Variants in LNX2 observed in about 807,000 individuals in gnomAD.
LNX2 encodes ligand of numb-protein X 2.
In LNX2, 35 loss-of-function variants were observed where a neutral mutation model predicts 66.2. That is an observed-to-expected ratio of 0.53 (90% CI 0.40 to 0.70). The LOEUF (loss-of-function observed/expected upper bound fraction) is 0.70. LNX2 is among the 30% of genes least tolerant of loss of function. The pLI is 0.00. For missense variants in LNX2, 791 were observed against 850.8 expected, an observed-to-expected ratio of 0.93 and a Z score of 0.87; for synonymous variants, 337 against 315.6, an observed-to-expected ratio of 1.07 and a Z score of -0.72.
intron 1 of LNX2, among the ~76,000 whole-genome samples, chr13:27,588,484 T>C (rs1955516342): frequency 6.6e-6 from 1 of 152,102 alleles, no homozygotes; most frequent in Admixed American, 6.5e-5. Context: ...ATTATAGAAA[T>C]GGATTAGAGG....
At chr13:27,610,290 G>C (rs1166186766) in intron 1 of LNX2, among the ~76,000 whole-genome samples, 4 of 152,144 alleles carry the variant, frequency 2.6e-5, no homozygotes, top group Non-Finnish European at 4.4e-5. Flanking sequence ...GCAACTATAA[G>C]AAATAAAAAC....
intron 2 of LNX2, among the ~76,000 whole-genome samples, chr13:27,578,083 A>G (rs926765346): frequency 2.0e-5 from 3 of 152,244 alleles, no homozygotes; most frequent in African/African-American, 7.2e-5. Context: ...TCTTTCATAA[A>G]TATTTTATCT....
chr13:27,549,008 T>C (rs1954975350), intron 9 of LNX2, among the ~76,000 whole-genome samples: 1 of 152,216 alleles, frequency 6.6e-6, no homozygotes, highest in Admixed American at 6.5e-5. Context: ...GTCTTCTATT[T>C]ATACCATAAA....
chr13:27,592,986 G>A (rs1465639139), intron 1 of LNX2, among the ~76,000 whole-genome samples: 2 of 152,170 alleles, frequency 1.3e-5, no homozygotes, highest in African/African-American at 4.8e-5. Flanking sequence ...GGAGTTAAGA[G>A]CATAGACAAT....
At chr13:27,569,324 A>G (rs1955248604) in intron 2 of LNX2, 48 bp from the exon 3 acceptor site, 5 of 1,578,770 alleles carry the variant, frequency 3.2e-6, no homozygotes, top group South Asian at 1.2e-5. Context: ...GAAAACAAAC[A>G]AACAAATAAA....
intron 5 of LNX2, 139 bp downstream of exon 5, chr13:27,562,274 A>G (rs929732261): frequency 1.9e-6 from 2 of 1,037,178 alleles, no homozygotes; most frequent in East Asian, 2.4e-5. Context: ...TGGATTTTAA[A>G]GAATTCAGGT....
At chr13:27,587,829 G>A (rs1464036200) in intron 1 of LNX2, among the ~76,000 whole-genome samples, 1 of 152,044 alleles carries the variant, frequency 6.6e-6, no homozygotes, top group Non-Finnish European at 1.5e-5. Flanking sequence ...AGACCATCCT[G>A]GCTAACACAG....
At chr13:27,549,551 C>T (rs936917788) in intron 9 of LNX2, among the ~76,000 whole-genome samples, 2 of 152,180 alleles carry the variant, frequency 1.3e-5, no homozygotes, top group Non-Finnish European at 2.9e-5. Context: ...CAGCCAACCA[C>T]TTTCAGCTAT....
chr13:27,550,269 C>T, intron 9 of LNX2, 64 bp downstream of exon 9: 2 of 1,454,536 alleles, frequency 1.4e-6, no homozygotes, highest in Non-Finnish European at 1.9e-6. Context: ...ACCCCTGACC[C>T]CTGGTCTAGA....
At chr13:27,615,203 C>T (rs1955813659) in intron 1 of LNX2, among the ~76,000 whole-genome samples, 1 of 152,240 alleles carries the variant, frequency 6.6e-6, no homozygotes, top group African/African-American at 2.4e-5. Context: ...TTGGGGTTCC[C>T]ATAACCCCTC....
At chr13:27,614,922 A>C (rs972892571) in intron 1 of LNX2, among the ~76,000 whole-genome samples, 7 of 152,190 alleles carry the variant, frequency 4.6e-5, no homozygotes, top group Admixed American at 2.6e-4. Context: ...AGGAAATAAA[A>C]ACACACTCAG....
chr13:27,565,204 G>A (rs1955189762), intron 4 of LNX2, among the ~76,000 whole-genome samples: 1 of 152,140 alleles, frequency 6.6e-6, no homozygotes, highest in Admixed American at 6.5e-5. Context: ...AGATTCAGTA[G>A]TGTTAATGAA....
chr13:27,608,867 C>A (rs833093), intron 1 of LNX2, among the ~76,000 whole-genome samples: 2 of 148,618 alleles, frequency 1.3e-5, no homozygotes, highest in Admixed American at 6.7e-5. Context: ...TGCAGTGGTA[C>A]GATCTTGGCT....
At chr13:27,573,635 C>T (rs1955309513) in intron 2 of LNX2, among the ~76,000 whole-genome samples, 1 of 151,866 alleles carries the variant, frequency 6.6e-6, no homozygotes, top group Non-Finnish European at 1.5e-5. Context: ...TGTGGCATGC[C>T]CCACCATGCA....
chr13:27,553,569 G>GGCATTTAT, intron 7 of LNX2, 130 bp from the exon 8 acceptor site: 1 of 607,294 alleles, frequency 1.6e-6, no homozygotes, highest in Non-Finnish European at 2.9e-6. Context: ...AATAATAAAT[G>GGCATTTAT]GCATTTATTA....
chr13:27,550,570 C>G, intron 8 of LNX2, 79 bp from the exon 9 acceptor site: 1 of 1,027,902 alleles, frequency 9.7e-7, no homozygotes, highest in Non-Finnish European at 1.4e-6. Context: ...AACCCCATAC[C>G]ATGTTATATT....
At chr13:27,548,555 T>C (rs1230637519) in intron 9 of LNX2, 85 bp from the exon 10 acceptor site, 8 of 1,445,978 alleles carry the variant, frequency 5.5e-6, no homozygotes, top group Non-Finnish European at 6.6e-6. Context: ...GCATGAAAAA[T>C]GCGGTTTCAC....
intron 1 of LNX2, among the ~76,000 whole-genome samples, chr13:27,585,035 T>G (rs2038722): frequency 0.099 from 15,024 of 151,244 alleles, 1,025 homozygotes; most frequent in Non-Finnish European, 0.14. Flanking sequence ...GGAGAATCAC[T>G]TGAGCCTAGG....
In LNX2 at chr13:27,551,713, T is replaced by G. The variant is rs981289053; in HGVS notation, c.1779-1222A>C. On this transcript the variant is annotated intron_variant, in intron 8 of 9. Coordinates refer to ENST00000316334, the MANE Select transcript of LNX2 (RefSeq NM_153371.4). ...ATGTTTACCATGCCAGAACTTCTCATCTTATCTAGTTTCCTAGCTCACTGA... is the reference window on the plus strand; with the variant it reads ...ATGTTTACCATGCCAGAACTTCTCAGCTTATCTAGTTTCCTAGCTCACTGA... Among the ~76,000 whole-genome samples the G allele has an allele frequency of 2.6e-5, 4 of 152,318 alleles. 1 individual carries two copies. The highest frequency in any genetic ancestry group is 2.0e-4 in the Admixed American group (3 of 15,298).
Sources: gnomAD v4.1 joint callset for allele counts (sites outside exome capture counted in the v4.1 genomes callset) on GRCh38, gnomAD v4.1.1 for gene constraint, MANE v1.5 for transcripts, NCBI Gene and HGNC (gene_info 2026-07-23, HGNC 2026-07-21) for gene names.